The following HIVEP3 variants were observed in gnomAD, a reference collection of about 807,000 sequenced individuals.
HIVEP3 encodes HIVEP zinc finger 3, also known as transcription factor HIVEP3.
HIVEP3 carries 49 observed loss-of-function variants against 152.8 expected under a neutral mutation model. That is an observed-to-expected ratio of 0.32 (90% CI 0.26 to 0.41). The LOEUF (loss-of-function observed/expected upper bound fraction) is 0.41. Among genes scored for constraint, HIVEP3 ranks in the 10% least tolerant of loss-of-function variants. The pLI is 1.00. For missense variants in HIVEP3, 2,790 were observed against 3,103.3 expected, an observed-to-expected ratio of 0.90 and a Z score of 2.40; for synonymous variants, 1,269 against 1,289.0, an observed-to-expected ratio of 0.98 and a Z score of 0.33.
intron 1 of HIVEP3, among the ~76,000 whole-genome samples, chr1:41,999,965 C>T (rs1330558183): frequency 6.6e-6 from 1 of 151,960 alleles, no homozygotes. Context: ...TATGTCCAGA[C>T]TCTACTAGTG....
chr1:41,824,770 TATATATATATATATAG>T (rs1382634455), intron 1 of HIVEP3, among the ~76,000 whole-genome samples: 2 of 18,210 alleles, frequency 1.1e-4, no homozygotes, highest in Non-Finnish European at 2.6e-4. Flanking sequence ...TATATATATA[TATATATATATATATAG>T]AGAGAGAGAG....
chr1:41,895,865 G>T (rs1207454246), intron 1 of HIVEP3, among the ~76,000 whole-genome samples: 1 of 152,168 alleles, frequency 6.6e-6, no homozygotes, highest in African/African-American at 2.4e-5. Context: ...CAAAGAAACG[G>T]CTTAAAGACA....
intron 1 of HIVEP3, among the ~76,000 whole-genome samples, chr1:41,903,917 T>C (rs911193777): frequency 6.6e-6 from 1 of 151,320 alleles, no homozygotes; most frequent in Non-Finnish European, 1.5e-5. Context: ...TTTTTTTTTT[T>C]TTGAGACAGT....
intron 3 of HIVEP3, among the ~76,000 whole-genome samples, chr1:41,611,124 C>T (rs1443738691): frequency 6.6e-6 from 1 of 152,198 alleles, no homozygotes; most frequent in Non-Finnish European, 1.5e-5. Flanking sequence ...ATGTTACACT[C>T]CTGTTCTAAA....
intron 1 of HIVEP3, among the ~76,000 whole-genome samples, chr1:41,810,435 A>G (rs1425167871): frequency 6.6e-6 from 1 of 152,194 alleles, no homozygotes; most frequent in African/African-American, 2.4e-5. Context: ...CCATCCAGAG[A>G]GAGGGCAGAT....
chr1:41,631,626 G>T (rs930794713), intron 2 of HIVEP3, among the ~76,000 whole-genome samples: 2 of 151,960 alleles, frequency 1.3e-5, no homozygotes, highest in African/African-American at 4.8e-5. Context: ...TGTACCTGCT[G>T]CTATGAAACC....
chr1:41,895,315 C>T (rs1368437128), intron 1 of HIVEP3, among the ~76,000 whole-genome samples: 1 of 152,182 alleles, frequency 6.6e-6, no homozygotes, highest in Non-Finnish European at 1.5e-5. Flanking sequence ...TGCACATAAA[C>T]TCATCTCCCC....
At chr1:41,964,531 G>C (rs936993464) in intron 1 of HIVEP3, among the ~76,000 whole-genome samples, 2 of 152,200 alleles carry the variant, frequency 1.3e-5, no homozygotes, top group Non-Finnish European at 2.9e-5. Context: ...CCAAGTTCCT[G>C]GGGGGAAGGG....
At chr1:41,542,186 G>T (rs1643546459) in intron 5 of HIVEP3, 2 of 152,272 alleles carry the variant, frequency 1.3e-5, no homozygotes, top group Admixed American at 1.3e-4. Flanking sequence ...GAAGCTAATG[G>T]TTTCGTGCTA....
At chr1:41,549,284 T>C (rs923650706) in intron 5 of HIVEP3, among the ~76,000 whole-genome samples, 1 of 152,244 alleles carries the variant, frequency 6.6e-6, no homozygotes, top group Non-Finnish European at 1.5e-5. Context: ...TGATGGGCAT[T>C]TGAGTTGGTT....
intron 1 of HIVEP3, among the ~76,000 whole-genome samples, chr1:41,747,235 G>A (rs970613063): frequency 6.6e-5 from 10 of 152,178 alleles, no homozygotes; most frequent in Admixed American, 3.3e-4. Flanking sequence ...GGGGTGGTAC[G>A]CTGGGCCAGC....
chr1:41,581,143 G>C lies in HIVEP3; in HGVS notation c.3655C>G (p.Gln1219Glu). ...GGCATGGGGAGGAAGGAAGGGGGCT[G>C]CCTGAAGGGGATGTTGGCTGGGTGA... ...MPHPANIPFR[Q>E]PPSFLPMPYP... The change falls in exon 4 of 9, where the codon CAG (glutamine) becomes GAG (glutamate). Residue 1219 changes from glutamine to glutamate, a missense_variant. Physicochemically the swap from Gln to Glu is conservative, Grantham distance 29 (BLOSUM62 2). This residue lies in a region of HIVEP3 where 1,078 missense variants were observed against 1,165.3 expected (regional missense o/e 0.93). Transcript: ENST00000372583. This position sits in a 1 kb window ranked among gnomAD's most constrained non-coding sequence, Gnocchi z 4.5. 1 of 1,548,902 alleles carries C rather than the reference G, an allele frequency of 6.5e-7. No homozygotes were observed. Among genetic ancestry groups the C allele is most frequent in the Non-Finnish European group, 8.7e-7 (1 of 1,147,168 alleles).
chr1:41,803,265 ATG>A lies in HIVEP3; in HGVS notation c.-800-102272_-800-102271del, dbSNP rs1650409238. On this transcript the variant is annotated intron_variant, in intron 1 of 8. Coordinates refer to ENST00000372583, the MANE Select transcript of HIVEP3 (RefSeq NM_024503.5). ...ATGGCTTCCTGACAGGCTGCGGAGT[ATG>A]TGTTGTTATTGTTGCTTTAAATTTC... 2.6e-5 allele frequency among the ~76,000 whole-genome samples: 4 copies of A among 152,308 alleles called. No individual in the cohort carries two copies. In the South Asian group the frequency reaches 8.3e-4, roughly 32 times the overall value.
chr1:41,544,938 A>T lies in HIVEP3; in HGVS notation c.5208-20028T>A, dbSNP rs1329019272. Among the ~76,000 whole-genome samples, 8 of 46,330 alleles carry T rather than the reference A, an allele frequency of 1.7e-4. 1 individual carries two copies. The highest frequency in any genetic ancestry group is 3.9e-4 in the African/African-American group (4 of 10,334). The allele number at this position is 46,330 out of a possible 152,430, so 30.4% of individuals were successfully genotyped here. On this transcript the variant is annotated intron_variant, in intron 5 of 8. Coordinates refer to ENST00000372583, the MANE Select transcript of HIVEP3 (RefSeq NM_024503.5). ...CACCTCTACCACCACCATCACCACC[A>T]CCACCACTACCACCTCTACCATCAC...
At chr1:41,586,619 T>C (rs1350745697) in intron 3 of HIVEP3, among the ~76,000 whole-genome samples, 1 of 152,192 alleles carries the variant, frequency 6.6e-6, no homozygotes, top group Admixed American at 6.5e-5. Context: ...AGGTGTGTGA[T>C]GATACAGACT....
At chr1:41,952,400 CACATTGCT>C (rs749778201) in intron 1 of HIVEP3, among the ~76,000 whole-genome samples, 12 of 151,228 alleles carry the variant, frequency 7.9e-5, no homozygotes, top group Non-Finnish European at 1.8e-4. Flanking sequence ...CTTCTCCAAC[CACATTGCT>C]TTCATTTTCT....
intron 5 of HIVEP3, among the ~76,000 whole-genome samples, chr1:41,538,980 C>A (rs770548150): frequency 1.2e-4 from 18 of 152,316 alleles, no homozygotes; most frequent in African/African-American, 4.1e-4. Context: ...CCTCCTCCCC[C>A]ACCCACAGCA....
intron 2 of HIVEP3, among the ~76,000 whole-genome samples, chr1:41,679,274 G>A (rs1299941432): frequency 6.6e-6 from 1 of 152,184 alleles, no homozygotes; most frequent in East Asian, 1.9e-4. Context: ...CTATTTTGCA[G>A]ATGAGGAAGC....
At chr1:41,766,756 T>C (rs1648034364) in intron 1 of HIVEP3, among the ~76,000 whole-genome samples, 1 of 152,226 alleles carries the variant, frequency 6.6e-6, no homozygotes, top group Non-Finnish European at 1.5e-5. Flanking sequence ...GAGCACTCCA[T>C]TCTCCACTAG....
Sources: allele counts gnomAD v4.1 joint callset (sites outside exome capture counted in the v4.1 genomes callset), GRCh38; gene constraint gnomAD v4.1.1; regional missense constraint gnomAD v4.1.1; non-coding constraint Gnocchi (gnomAD v3.1); transcripts MANE v1.5; gene names NCBI Gene and HGNC (gene_info 2026-07-23, HGNC 2026-07-21).